RIMS2: variants seen among roughly 807,000 people sequenced by gnomAD.
RIMS2 encodes regulating synaptic membrane exocytosis protein 2.
RIMS2 carries 59 observed loss-of-function variants against 174.4 expected under a neutral mutation model. The observed-to-expected ratio is 0.34, with a 90% CI of 0.27 to 0.42. The LOEUF (loss-of-function observed/expected upper bound fraction) is 0.42. RIMS2 is among the 10% of genes least tolerant of loss of function. The probability of loss-of-function intolerance (pLI) is 1.00; values close to 1 mark genes in which losing one functional copy is unlikely to be tolerated. For missense variants in RIMS2, 1,620 were observed against 1,666.3 expected (o/e 0.97, Z 0.48); for synonymous variants, 606 against 572.5 (o/e 1.06, Z -0.84).
intron 3 of RIMS2, among the ~76,000 whole-genome samples, chr8:103,815,032 G>C (rs530002733): frequency 6.6e-6 from 1 of 152,120 alleles, no homozygotes; most frequent in South Asian, 2.1e-4. Context: ...GTTCTCCACT[G>C]TTTGAAAATT....
exon 3 of RIMS2, chr8:103,766,345 G>C (rs1447601961): frequency 6.2e-7 from 1 of 1,613,558 alleles, no homozygotes; most frequent in South Asian, 1.1e-5. Flanking sequence ...GTTCTTCGAG[G>C]GCTAAGAAAT....
rs118015263 is a variant in RIMS2, at chr8:103,582,433, G to T, written c.176+81371G>T. ...GGAAAAGTAAAGGGAACTTTGTCTT[G>T]CACCTTAGGTGCCAACATAGCCACA... is the stretch of plus-strand genomic sequence containing the variant. On this transcript the variant is annotated intron_variant, in intron 1 of 23. Coordinates refer to ENST00000504942, the Ensembl canonical transcript of RIMS2. Among the ~76,000 whole-genome samples the T allele has an allele frequency of 1.3e-3, 193 of 152,254 alleles. 7 individuals carry two copies. In the East Asian group the frequency reaches 0.035, roughly 28 times the overall value.
At chr8:104,135,339 G>A (rs2133208056) in intron 19 of RIMS2, among the ~76,000 whole-genome samples, 1 of 152,210 alleles carries the variant, frequency 6.6e-6, no homozygotes, top group Middle Eastern at 3.4e-3. Context: ...GTTCATGCCT[G>A]TAATCCCAGC....
intron 1 of RIMS2, among the ~76,000 whole-genome samples, chr8:103,506,531 C>T (rs991082238): frequency 2.0e-5 from 3 of 151,940 alleles, no homozygotes; most frequent in Non-Finnish European, 4.4e-5. Context: ...TGAGTTTCCT[C>T]ATCTATACTA....
At chr8:103,546,301 G>T (rs562750557) in intron 1 of RIMS2, among the ~76,000 whole-genome samples, 15 of 152,272 alleles carry the variant, frequency 9.9e-5, no homozygotes, top group African/African-American at 2.6e-4. Context: ...TTACATAATG[G>T]TAAAGGGTTC....
At chr8:103,505,101 G>T (rs561737527) in intron 1 of RIMS2, among the ~76,000 whole-genome samples, 130 of 151,946 alleles carry the variant, frequency 8.6e-4, no homozygotes, top group Non-Finnish European at 1.6e-3. Context: ...TGATCCTCCT[G>T]CCTTGGCCTC....
At chr8:103,723,429 C>T (rs2097481711) in intron 2 of RIMS2, among the ~76,000 whole-genome samples, 2 of 152,214 alleles carry the variant, frequency 1.3e-5, no homozygotes, top group African/African-American at 2.4e-5. Context: ...CATGGGCAGG[C>T]TTGCTGCTGG....
At chr8:103,748,142 T>G (rs2097844296) in intron 2 of RIMS2, among the ~76,000 whole-genome samples, 1 of 152,070 alleles carries the variant, frequency 6.6e-6, no homozygotes, top group East Asian at 1.9e-4. Flanking sequence ...TTCATTAACC[T>G]TAAAGTTTTC....
In RIMS2 at chr8:103,863,887, G is replaced by GT. The variant is rs61377008; in HGVS notation, c.699-21400dup. ...TTTTTTCATATTTTCAAAGAACCAAGTTTTTTTTTTTGTTTTTTTTGTTTG... is the reference window on the plus strand; with the variant it reads ...TTTTTTCATATTTTCAAAGAACCAAGTTTTTTTTTTTTGTTTTTTTTGTTTG... On this transcript the variant is annotated intron_variant, in intron 3 of 23. Transcript: ENST00000504942. Among the ~76,000 whole-genome samples the GT allele has an allele frequency of 3.4e-3, 457 of 136,014 alleles. 5 individuals carry two copies. Among genetic ancestry groups the GT allele is most frequent in the Admixed American group, 0.015 (207 of 13,920 alleles). The allele number at this position is 136,014 out of a possible 152,430, so 89.2% of individuals were successfully genotyped here.
intron 3 of RIMS2, among the ~76,000 whole-genome samples, chr8:103,839,468 G>A (rs2098926630): frequency 6.6e-6 from 1 of 152,044 alleles, no homozygotes; most frequent in Non-Finnish European, 1.5e-5. Flanking sequence ...TTGTCATAGG[G>A]CACAGCCCTT....
At chr8:103,688,103 A>G (rs1010845293) in intron 1 of RIMS2, among the ~76,000 whole-genome samples, 3 of 152,138 alleles carry the variant, frequency 2.0e-5, no homozygotes, top group Non-Finnish European at 2.9e-5. Flanking sequence ...CTTATGCTTA[A>G]TAGCTCTTGC....
chr8:104,006,626 T>TTCTCTCTCTCTCTC lies in RIMS2; in HGVS notation c.3045-6786_3045-6773dup, dbSNP rs55665972. Among the ~76,000 whole-genome samples the TTCTCTCTCTCTCTC allele has an allele frequency of 9.3e-4, 128 of 138,196 alleles. 1 individual carries two copies. The highest frequency in any genetic ancestry group is 1.5e-3 in the Non-Finnish European group (94 of 64,536). The allele number at this position is 138,196 out of a possible 152,430, so 90.7% of individuals were successfully genotyped here. A position where few individuals can be genotyped will look rare whatever the true frequency, so the allele number is the denominator to read the frequency against. ...TCAAGCTAACTTGAGAGTGATCTAT[T>TTCTCTCTCTCTCTC]TCTCTCTCTCTCTCTCTCTCTCTCT... On this transcript the variant is annotated intron_variant, in intron 17 of 23. Coordinates refer to ENST00000504942, the Ensembl canonical transcript of RIMS2.
chr8:103,864,563 A>AT (rs1471853080), intron 3 of RIMS2, among the ~76,000 whole-genome samples: 55 of 152,262 alleles, frequency 3.6e-4, no homozygotes, highest in Admixed American at 3.2e-3. Context: ...ATTTTAAAAA[A>AT]TTTCCTGAGA....
intron 3 of RIMS2, among the ~76,000 whole-genome samples, chr8:103,790,351 G>A (rs989879832): frequency 4.6e-5 from 7 of 152,116 alleles, no homozygotes; most frequent in Admixed American, 3.9e-4. Context: ...ATAGTATCAT[G>A]CAATTATGTA....
At chr8:104,046,081 A>C (rs565251842) in intron 19 of RIMS2, among the ~76,000 whole-genome samples, 5 of 152,170 alleles carry the variant, frequency 3.3e-5, no homozygotes, top group Admixed American at 2.6e-4. Flanking sequence ...GCTGTAACAA[A>C]ATGTCATAAG....
chr8:103,775,569 G>A (rs919500742), intron 3 of RIMS2, among the ~76,000 whole-genome samples: 9 of 152,152 alleles, frequency 5.9e-5, no homozygotes, highest in Admixed American at 3.3e-4. Context: ...TGGTGCATAT[G>A]ATGAATGAGA....
At chr8:103,957,144 T>G (rs550569032) in intron 14 of RIMS2, among the ~76,000 whole-genome samples, 1 of 152,348 alleles carries the variant, frequency 6.6e-6, no homozygotes, top group African/African-American at 2.4e-5. Flanking sequence ...GCTTTTACAC[T>G]GTTTGTGGGA....
chr8:103,539,798 C>T (rs1187611549), intron 1 of RIMS2, among the ~76,000 whole-genome samples: 1 of 152,232 alleles, frequency 6.6e-6, no homozygotes, highest in African/African-American at 2.4e-5. Flanking sequence ...CTGCAGTCAC[C>T]CTGAGAGTGC....
chr8:104,166,653 A>G (rs957854680), intron 19 of RIMS2, among the ~76,000 whole-genome samples: 1 of 152,008 alleles, frequency 6.6e-6, no homozygotes, highest in Non-Finnish European at 1.5e-5. Context: ...AACTAAAACT[A>G]TATTCAAGAC....
Sources: gnomAD v4.1 joint callset for allele counts (sites outside exome capture counted in the v4.1 genomes callset) on GRCh38, gnomAD v4.1.1 for gene constraint, MANE v1.5 for transcripts, NCBI Gene and HGNC (gene_info 2026-07-23, HGNC 2026-07-21) for gene names.